Variants in ADAMTS13 observed in about 807,000 individuals in gnomAD.
ADAMTS13 encodes ADAM metallopeptidase with thrombospondin type 1 motif 13.
Under a neutral mutation model 155.1 loss-of-function variants are expected in ADAMTS13, and 110 were observed. The observed-to-expected ratio is 0.71, with a 90% CI of 0.61 to 0.83. The LOEUF (loss-of-function observed/expected upper bound fraction) is 0.83. Among genes scored for constraint, ADAMTS13 ranks in the 40% least tolerant of loss-of-function variants. The pLI is 0.00. For synonymous variants in ADAMTS13, 758 were observed against 756.4 expected (o/e 1.00, Z -0.03); for missense variants, 1,707 against 1,891.7 (o/e 0.90, Z 1.81).
intron 25 of ADAMTS13, 81 bp downstream of exon 25, chr9:133,455,516 T>G (rs1842686371): frequency 1.9e-6 from 3 of 1,611,636 alleles, no homozygotes; most frequent in Non-Finnish European, 2.5e-6. Context: ...CTCCCTGGAG[T>G]GGTCCCAGGC....
Position 133,458,982 on chromosome 9 carries a change from C to T in ADAMTS13, c.3918C>T (p.Asp1306=), listed in dbSNP as rs1842928950. The change falls in exon 29 of 29, where the codon GAC becomes GAT. Residue 1306 remains aspartate, a synonymous_variant. Transcript: ENST00000355699. ...TGCCCCTTTTCTCTCAGATCCGGGA[C>T]ACCCACAGCTTGAGGACCACAGCGT... The part of the protein sequence containing the change: ...GANASYILIR[D]THSLRTTAFH... 1 of 1,613,072 alleles carries T rather than the reference C, an allele frequency of 6.2e-7. No individual in the cohort carries two copies.
At chr9:133,416,845 C>T (rs587722565) in intron 1 of ADAMTS13, among the ~76,000 whole-genome samples, 5 of 152,330 alleles carry the variant, frequency 3.3e-5, no homozygotes, top group Non-Finnish European at 5.9e-5. Flanking sequence ...GATTGCAACA[C>T]GCATGGCATA....
intron 7 of ADAMTS13, among the ~76,000 whole-genome samples, chr9:133,429,288 G>A (rs1840541129): frequency 2.1e-5 from 2 of 93,040 alleles, no homozygotes; most frequent in African/African-American, 8.6e-5. Flanking sequence ...CCCTCCCTGC[G>A]CCCACCCCTG....
chr9:133,455,307 G>A lies in ADAMTS13; in HGVS notation c.3272G>A (p.Gly1091Asp), dbSNP rs1554795403. 1 of 1,603,822 alleles carries A rather than the reference G, an allele frequency of 6.2e-7. No individual in the cohort carries two copies. The highest frequency in any genetic ancestry group is 1.7e-5 in the Admixed American group (1 of 60,016). The change falls in exon 25 of 29, where the codon GGC becomes GAC. Residue 1091 changes from glycine (G) to aspartate (D), a missense_variant. By Grantham distance (94) the Gly-to-Asp change is moderately conservative. Coordinates refer to ENST00000355699, the MANE Select transcript of ADAMTS13 (RefSeq NM_139027.6). Reference sequence around the variant, plus strand: ...CAGTGCTCTGTTTCCTGTGGGGATGGCATCCAGCGCCGGCGTGACACCTGC... The same window carrying A: ...CAGTGCTCTGTTTCCTGTGGGGATGACATCCAGCGCCGGCGTGACACCTGC... ...WMECSVSCGD[G>D]IQRRRDTCLG...
chr9:133,442,617 T>C lies in ADAMTS13; in HGVS notation c.2108T>C (p.Leu703Pro). 2 of 1,613,276 alleles carry C rather than the reference T, an allele frequency of 1.2e-6. No individual in the cohort carries two copies. The highest frequency in any genetic ancestry group is 1.7e-6 in the Non-Finnish European group (2 of 1,180,002). The change falls in exon 18 of 29, where the codon CTG becomes CCG. Residue 703 changes from leucine to proline, a missense_variant. Leu to Pro is a moderately conservative substitution (Grantham distance 98). Around this residue, in one of 3 missense-constraint regions of ADAMTS13, gnomAD observed 961 missense variants for 1,107.9 expected, o/e 0.87. Coordinates refer to ENST00000355699, the MANE Select transcript of ADAMTS13 (RefSeq NM_139027.6). ...GPCSVSCGAG[L>P]RWVNYSCLDQ... ...AGCCCTCCCTCTTCCCTCCCAGGGCTGCGCTGGGTAAACTACAGCTGCCTG... is the reference window on the plus strand; with the variant it reads ...AGCCCTCCCTCTTCCCTCCCAGGGCCGCGCTGGGTAAACTACAGCTGCCTG...
chr9:133,415,787 G>A (rs1839556895), intron 1 of ADAMTS13: 1 of 152,244 alleles, frequency 6.6e-6, no homozygotes, highest in Admixed American at 6.5e-5. Context: ...TTGGGAGAAG[G>A]AAGAAGAGTT....
chr9:133,432,213 C>G (rs1840821165), intron 8 of ADAMTS13, among the ~76,000 whole-genome samples: 1 of 151,970 alleles, frequency 6.6e-6, no homozygotes, highest in South Asian at 2.1e-4. Context: ...TGAGGTGAGC[C>G]AAGATCGCGC....
In ADAMTS13 at chr9:133,429,768, G is replaced by A. The variant is rs587660128; in HGVS notation, c.825-171G>A. 5.5e-6 allele frequency: 5 copies of A among 914,822 alleles called. No homozygotes were observed. In the South Asian group the frequency reaches 7.0e-5, roughly 13 times the overall value. The allele number at this position is 914,822 out of a possible 1,614,324, so 56.7% of individuals were successfully genotyped here. A position where few individuals can be genotyped will look rare whatever the true frequency, so the allele number is the denominator to read the frequency against. ...TGCGCCGGCAGGAGCCTTAGTCTTG[G>A]TCCCAGCCAAGAGCCGGCTCCTGGT... On this transcript the variant is annotated intron_variant, in intron 7 of 28. Coordinates refer to ENST00000355699, the MANE Select transcript of ADAMTS13 (RefSeq NM_139027.6).
chr9:133,443,612 G>A (rs36221464), intron 19 of ADAMTS13, 51 bp downstream of exon 19: 30,165 of 1,478,290 alleles, frequency 0.02, 347 homozygotes, highest in Non-Finnish European at 0.023. Flanking sequence ...GGCAGAGCTC[G>A]TCCCTGCGCT....
chr9:133,415,007 A>C, intron 1 of ADAMTS13: 3 of 1,580,096 alleles, frequency 1.9e-6, no homozygotes, highest in Non-Finnish European at 2.6e-6. Flanking sequence ...TTGTTTCAGC[A>C]GCCACTGGGA....
intron 9 of ADAMTS13, 104 bp from the exon 10 acceptor site, chr9:133,433,274 T>G: frequency 2.0e-6 from 3 of 1,487,202 alleles, no homozygotes; most frequent in Non-Finnish European, 2.8e-6. Context: ...GGTCCCTGTG[T>G]GTGTTGGGGA....
At position 133,441,032 on chromosome 9, in the gene ADAMTS13, G is replaced by A. The variant is rs782148845; in HGVS notation, c.1968+507G>A. Among the ~76,000 whole-genome samples, 15 of 152,186 alleles carry A rather than the reference G, an allele frequency of 9.9e-5. No homozygotes were observed. The highest frequency in any genetic ancestry group is 1.8e-4 in the Non-Finnish European group (12 of 68,036). ...GCTGAGGAAGCTGAGAACAGATGCT[G>A]GCTCTCACTGCTTCTTTGGTGCAGT... On this transcript the variant is annotated intron_variant, in intron 16 of 28. Coordinates refer to ENST00000355699, the MANE Select transcript of ADAMTS13 (RefSeq NM_139027.6). The surrounding 1 kb of genome is among the most constrained non-coding windows in gnomAD (Gnocchi z 5.0).
chr9:133,448,976 G>A (rs1450770494), intron 22 of ADAMTS13, among the ~76,000 whole-genome samples: 1 of 152,034 alleles, frequency 6.6e-6, no homozygotes, highest in Admixed American at 6.5e-5. Flanking sequence ...CAAGGAGACA[G>A]GGGGTGCTAG....
chr9:133,428,443 A>G (rs1299822495), intron 6 of ADAMTS13, among the ~76,000 whole-genome samples, 191 bp from the exon 7 acceptor site: 1 of 152,192 alleles, frequency 6.6e-6, no homozygotes, highest in Non-Finnish European at 1.5e-5. Context: ...AAACTGAGGC[A>G]GGGCGCACGC....
At position 133,429,883 on chromosome 9, in the gene ADAMTS13, C is replaced by T. The variant is rs587615316; in HGVS notation, c.825-56C>T. Reference sequence around the variant, plus strand: ...CCTCGTGCCCACTCCTCCGTCCCGCCTCCTCCCGGTGTACACCCCGGGACT... The same window carrying T: ...CCTCGTGCCCACTCCTCCGTCCCGCTTCCTCCCGGTGTACACCCCGGGACT... On this transcript the variant is annotated intron_variant, in intron 7 of 28. Coordinates refer to ENST00000355699, the MANE Select transcript of ADAMTS13 (RefSeq NM_139027.6). 225 of 1,533,332 alleles carry T rather than the reference C, an allele frequency of 1.5e-4. 2 individuals carry two copies. In the South Asian group the frequency reaches 2.5e-3, roughly 17 times the overall value. 95.0% of individuals were successfully genotyped at this position (1,533,332 alleles called of 1,614,324 possible).
intron 25 of ADAMTS13, 127 bp downstream of exon 25, chr9:133,455,562 G>C (rs782621505): frequency 6.2e-7 from 1 of 1,608,018 alleles, no homozygotes; most frequent in Non-Finnish European, 8.5e-7. Context: ...CCCCAGCCTC[G>C]GCGGCTCCTG....
Position 133,445,956 on chromosome 9 carries a change from C to G in ADAMTS13, c.2731+137C>G. The G allele has an allele frequency of 1.6e-6, 2 of 1,261,374 alleles. No individual in the cohort carries two copies. The highest frequency in any genetic ancestry group is 2.1e-6 in the Non-Finnish European group (2 of 943,096). 78.1% of individuals were successfully genotyped at this position (1,261,374 alleles called of 1,614,324 possible). A position where few individuals can be genotyped will look rare whatever the true frequency, so the allele number is the denominator to read the frequency against. ...CTATATGGGAACACGTGGTAATACA[C>G]AAGGAGACTAAGCATAGTAGCTGAC... On this transcript the variant is annotated intron_variant, in intron 21 of 28. Transcript: ENST00000355699. The surrounding 1 kb of genome is among the most constrained non-coding windows in gnomAD (Gnocchi z 5.0).
upstream of ADAMTS13, chr9:133,418,033 C>G: frequency 3.4e-6 from 2 of 595,472 alleles, no homozygotes; most frequent in Admixed American, 3.1e-5. Flanking sequence ...ACGCTCCAGT[C>G]CCCGGAAGCG....
chr9:133,430,695 A>ATT (rs1186301807), intron 8 of ADAMTS13, among the ~76,000 whole-genome samples: 5 of 44,960 alleles, frequency 1.1e-4, no homozygotes, highest in East Asian at 9.0e-4. Flanking sequence ...TTTTTTTCCT[A>ATT]TTTTTTTTTT....
Sources: allele counts gnomAD v4.1 joint callset (sites outside exome capture counted in the v4.1 genomes callset), GRCh38; gene constraint gnomAD v4.1.1; regional missense constraint gnomAD v4.1.1; non-coding constraint Gnocchi (gnomAD v3.1); transcripts MANE v1.5; gene names NCBI Gene and HGNC (gene_info 2026-07-23, HGNC 2026-07-21).